Variants in ENTHD1 observed in about 807,000 individuals in gnomAD.
ENTHD1 encodes the protein ENTH domain-containing protein 1.
ENTHD1 carries 23 observed loss-of-function variants against 39.1 expected under a neutral mutation model. The observed-to-expected ratio is 0.59, with a 90% confidence interval of 0.42 to 0.83. The LOEUF is 0.83. ENTHD1 is among the 40% of genes least tolerant of loss of function. ENTHD1 has a pLI of 0.00. For missense variants in ENTHD1, 624 were observed against 705.4 expected (o/e 0.88, Z 1.31); for synonymous variants, 230 against 258.2 (o/e 0.89, Z 1.05).
At chr22:39,744,397 G>T in intron 6 of ENTHD1, 114 bp from the exon 7 acceptor site, 1 of 960,940 alleles carries the variant, frequency 1.0e-6, no homozygotes, top group Non-Finnish European at 1.4e-6. Context: ...TAAATAAACT[G>T]CTTAGAATTT....
At chr22:39,859,748 AG>A (rs1220378618) in intron 3 of ENTHD1, among the ~76,000 whole-genome samples, 1 of 152,214 alleles carries the variant, frequency 6.6e-6, no homozygotes, top group Non-Finnish European at 1.5e-5. Context: ...ATAAGGAAAA[AG>A]TTAAAAATAT....
chr22:39,859,257 G>A (rs1249003796), intron 3 of ENTHD1, among the ~76,000 whole-genome samples: 1 of 152,180 alleles, frequency 6.6e-6, no homozygotes, highest in African/African-American at 2.4e-5. Context: ...TCCAGACCAT[G>A]CAACCTTTCT....
intron 2 of ENTHD1, among the ~76,000 whole-genome samples, chr22:39,863,332 C>T (rs758313803): frequency 1.2e-4 from 18 of 152,140 alleles, no homozygotes; most frequent in East Asian, 3.8e-4. Flanking sequence ...TTTTCTCTGA[C>T]GTAACATCCT....
intron 5 of ENTHD1, among the ~76,000 whole-genome samples, chr22:39,818,165 A>C (rs984057865): frequency 6.6e-5 from 10 of 152,216 alleles, no homozygotes; most frequent in African/African-American, 2.4e-4. Context: ...TGCTGTCAGG[A>C]AACCCAAACT....
intron 6 of ENTHD1, among the ~76,000 whole-genome samples, chr22:39,749,219 C>T (rs1418046174): frequency 6.6e-6 from 1 of 152,218 alleles, no homozygotes; most frequent in Non-Finnish European, 1.5e-5. Context: ...ATTTAGTTCT[C>T]CTGCCCAGGC....
chr22:39,797,773 C>T (rs533020393), intron 5 of ENTHD1, among the ~76,000 whole-genome samples: 3 of 152,234 alleles, frequency 2.0e-5, no homozygotes, highest in East Asian at 3.9e-4. Context: ...TCAATCTCTG[C>T]TTGTCTGTAA....
intron 5 of ENTHD1, among the ~76,000 whole-genome samples, chr22:39,778,001 G>A (rs568413790): frequency 6.6e-6 from 1 of 152,332 alleles, no homozygotes; most frequent in South Asian, 2.1e-4. Context: ...GGGCACAAGA[G>A]TATGTGGCCA....
At chr22:39,851,305 AT>A (rs1296947098) in intron 3 of ENTHD1, among the ~76,000 whole-genome samples, 1 of 152,104 alleles carries the variant, frequency 6.6e-6, no homozygotes, top group African/African-American at 2.4e-5. Flanking sequence ...CACTAAATAC[AT>A]TTTTTTAGTT....
intron 5 of ENTHD1, among the ~76,000 whole-genome samples, chr22:39,772,876 G>A (rs940258615): frequency 1.3e-5 from 2 of 151,890 alleles, no homozygotes; most frequent in African/African-American, 4.8e-5. Flanking sequence ...TATTAGTAGA[G>A]ATAAAAAGGG....
At chr22:39,850,872 A>C (rs1329403759) in intron 3 of ENTHD1, among the ~76,000 whole-genome samples, 1 of 152,214 alleles carries the variant, frequency 6.6e-6, no homozygotes, top group African/African-American at 2.4e-5. Context: ...TAACTCAAAA[A>C]TTAGATTTAT....
At chr22:39,786,844 A>G (rs752856215) in intron 5 of ENTHD1, among the ~76,000 whole-genome samples, 1 of 152,200 alleles carries the variant, frequency 6.6e-6, no homozygotes, top group South Asian at 2.1e-4. Context: ...TTCCAGGTTT[A>G]TTCATGTTGT....
intron 4 of ENTHD1, among the ~76,000 whole-genome samples, chr22:39,833,537 C>T (rs753692514): frequency 6.6e-6 from 1 of 151,484 alleles, no homozygotes; most frequent in Non-Finnish European, 1.5e-5. Context: ...CTGAATATTA[C>T]ATATAAAAAT....
At chr22:39,749,869 C>T (rs552085056) in intron 6 of ENTHD1, among the ~76,000 whole-genome samples, 10 of 152,186 alleles carry the variant, frequency 6.6e-5, no homozygotes, top group Non-Finnish European at 1.5e-4. Flanking sequence ...GTTGATCTCA[C>T]ACCCCTCAGT....
rs575498622 is a variant in ENTHD1 at position 39,815,133 on chromosome 22, T to C, written c.832+5860A>G. 3.9e-5 allele frequency among the ~76,000 whole-genome samples: 6 copies of C among 152,298 alleles called. No homozygotes were observed. The East Asian group carries it at 9.6e-4, about 24-fold the overall frequency. On this transcript the variant is annotated intron_variant, in intron 5 of 6. Coordinates refer to ENST00000325157, the MANE Select transcript of ENTHD1 (RefSeq NM_152512.4). ...CACACCTATGAAATGTGTCGACATA[T>C]GAAAATATGCTGAATTTCATTATAA...
intron 6 of ENTHD1, chr22:39,750,181 T>C (rs12170853): frequency 0.014 from 2,906 of 207,958 alleles, 52 homozygotes; most frequent in Non-Finnish European, 0.02. Context: ...AAATAAAGAC[T>C]ATGGATCAAC....
intron 3 of ENTHD1, among the ~76,000 whole-genome samples, chr22:39,842,088 G>C (rs2065948569): frequency 6.6e-6 from 1 of 151,650 alleles, no homozygotes; most frequent in Non-Finnish European, 1.5e-5. Flanking sequence ...GGCTTGTAGG[G>C]TTTCTGCCGA....
At chr22:39,840,748 T>G (rs1392535861) in intron 3 of ENTHD1, among the ~76,000 whole-genome samples, 1 of 151,516 alleles carries the variant, frequency 6.6e-6, no homozygotes, top group East Asian at 1.9e-4. Flanking sequence ...TTTTGGCACA[T>G]AGTTAAGCAT....
At chr22:39,864,562 G>C (rs2066169491) in intron 2 of ENTHD1, among the ~76,000 whole-genome samples, 1 of 152,082 alleles carries the variant, frequency 6.6e-6, no homozygotes. Flanking sequence ...AGCTCCATGA[G>C]GGGCAGAGAA....
intron 2 of ENTHD1, among the ~76,000 whole-genome samples, chr22:39,869,713 T>G (rs955398987): frequency 6.6e-6 from 1 of 151,544 alleles, no homozygotes; most frequent in Non-Finnish European, 1.5e-5. Context: ...GGATCTTCTA[T>G]GGAATCTATA....
Sources: allele counts gnomAD v4.1 joint callset (sites outside exome capture counted in the v4.1 genomes callset), GRCh38; gene constraint gnomAD v4.1.1; transcripts MANE v1.5; gene names NCBI Gene and HGNC (gene_info 2026-07-23, HGNC 2026-07-21).